Variants in KRT8 observed in about 807,000 individuals in gnomAD.
The protein encoded by KRT8 is keratin 8.
Under a neutral mutation model 43.0 loss-of-function variants are expected in KRT8, and 24 were observed. The ratio of observed to expected loss-of-function variants is 0.56; its 90% CI spans 0.40 to 0.78. The LOEUF (loss-of-function observed/expected upper bound fraction) is 0.78. KRT8 is among the 30% of genes least tolerant of loss of function. The pLI is 0.00. For missense variants in KRT8, 492 were observed against 638.4 expected (o/e 0.77, Z 2.47); for synonymous variants, 214 against 261.2 (o/e 0.82, Z 1.74).
upstream of KRT8, among the ~76,000 whole-genome samples, chr12:52,905,321 T>C (rs187766583): frequency 3.2e-4 from 49 of 152,260 alleles, no homozygotes; most frequent in Non-Finnish European, 6.2e-4. Flanking sequence ...AGAAATCCTG[T>C]CCTGGCACAA....
chr12:52,929,670 ACAAT>A (rs962751369), intron 2 of KRT8, among the ~76,000 whole-genome samples: 1 of 152,044 alleles, frequency 6.6e-6, no homozygotes, highest in Non-Finnish European at 1.5e-5. Flanking sequence ...ACTCTAATGC[ACAAT>A]CAGAGATTGC....
chr12:52,905,736 CACACACACAT>C (rs59185408), upstream of KRT8, among the ~76,000 whole-genome samples: 59,621 of 125,766 alleles, frequency 0.47, 12,309 homozygotes, highest in African/African-American at 0.61. Context: ...CACACACACA[CACACACACAT>C]ACACATACAC....
At chr12:52,901,010 G>GTC in intron 3 of KRT8, 149 bp downstream of exon 3, 2 of 760,584 alleles carry the variant, frequency 2.6e-6, no homozygotes, top group South Asian at 2.8e-5. Flanking sequence ...CTCCATCCTT[G>GTC]TCTACCTTTC....
chr12:52,926,031 T>C (rs530726039), intron 2 of KRT8, among the ~76,000 whole-genome samples: 1 of 152,166 alleles, frequency 6.6e-6, no homozygotes, highest in South Asian at 2.1e-4. Context: ...AGACCTGCCC[T>C]GGAGACAGGC....
chr12:52,906,846 G>A (rs1174565451), upstream of KRT8: 3 of 448,472 alleles, frequency 6.7e-6, no homozygotes, highest in East Asian at 1.4e-4. Flanking sequence ...CCTTCTCTAG[G>A]AGAGACACCC....
At position 52,902,092 on chromosome 12, in the gene KRT8, G is replaced by A. The variant is rs1265897210; in HGVS notation, c.325-20C>T. On this transcript the variant is annotated intron_variant, in intron 1 of 7. Coordinates refer to ENST00000692008, the Ensembl canonical transcript of KRT8. ...CCGTACCTATACGAAGGAGGAGAGA[G>A]CAAAAAGGTCTACATCAGGCCAGGG... 10 of 1,530,200 alleles carry A rather than the reference G, an allele frequency of 6.5e-6. No individual in the cohort carries two copies. The highest frequency in any genetic ancestry group is 8.1e-6 in the Non-Finnish European group (9 of 1,116,024). 94.8% of individuals were successfully genotyped at this position (1,530,200 alleles called of 1,614,324 possible). A position where few individuals can be genotyped will look rare whatever the true frequency, so the allele number is the denominator to read the frequency against.
exon 1 of KRT8, chr12:52,949,749 CCTAAGAG>C: frequency 1.4e-6 from 1 of 739,426 alleles, no homozygotes; most frequent in Non-Finnish European, 2.5e-6. Flanking sequence ...CCACAGGGTC[CCTAAGAG>C]CAGCAGCTAG....
At chr12:52,931,684 C>T (rs150789965) in intron 2 of KRT8, among the ~76,000 whole-genome samples, 1 of 141,250 alleles carries the variant, frequency 7.1e-6, no homozygotes, top group Non-Finnish European at 1.5e-5. Context: ...ATATTTGAGA[C>T]GGAGTTTCGC....
intron 2 of KRT8, among the ~76,000 whole-genome samples, chr12:52,941,478 CTTTTTTTTT>C (rs774607187): frequency 9.6e-5 from 7 of 72,574 alleles, no homozygotes; most frequent in Non-Finnish European, 1.5e-4. Context: ...AGTTTTTGCT[CTTTTTTTTT>C]TTTTTTTTTT....
chr12:52,911,816 G>A (rs1941641561), upstream of KRT8, among the ~76,000 whole-genome samples: 2 of 152,004 alleles, frequency 1.3e-5, no homozygotes, highest in Non-Finnish European at 2.9e-5. Context: ...TTGAGGTCAG[G>A]AGTTCCAGAA....
chr12:52,925,242 T>C (rs913163884), intron 2 of KRT8, among the ~76,000 whole-genome samples: 20 of 151,348 alleles, frequency 1.3e-4, no homozygotes, highest in African/African-American at 4.9e-4. Flanking sequence ...CTGGAGGAGG[T>C]GTGTATGCAC....
chr12:52,945,678 G>T (rs1280921919), intron 2 of KRT8, among the ~76,000 whole-genome samples: 2 of 152,100 alleles, frequency 1.3e-5, no homozygotes, highest in African/African-American at 4.8e-5. Context: ...TGCCTCACAG[G>T]TTCCCACTCC....
At chr12:52,900,630 C>T in exon 4 of KRT8, 2 of 1,613,342 alleles carry the variant, frequency 1.2e-6, no homozygotes, top group South Asian at 2.2e-5. Flanking sequence ...CGTCGGTCAG[C>T]CCTTCCAGGC....
At chr12:52,927,052 C>T (rs1372507081) in intron 2 of KRT8, among the ~76,000 whole-genome samples, 2 of 152,286 alleles carry the variant, frequency 1.3e-5, no homozygotes, top group African/African-American at 4.8e-5. Flanking sequence ...TTCCTATCTT[C>T]TGTCCCTTAC....
chr12:52,931,667 T>C (rs1942086162), intron 2 of KRT8, among the ~76,000 whole-genome samples: 1 of 151,322 alleles, frequency 6.6e-6, no homozygotes, highest in African/African-American at 2.4e-5. Context: ...CATATATATA[T>C]ATATATATAT....
At chr12:52,916,823 C>A (rs1367418393) in intron 2 of KRT8, among the ~76,000 whole-genome samples, 1 of 152,168 alleles carries the variant, frequency 6.6e-6, no homozygotes, top group Non-Finnish European at 1.5e-5. Flanking sequence ...TGGCTTTTGT[C>A]TGACTCTTAG....
intron 2 of KRT8, among the ~76,000 whole-genome samples, chr12:52,931,362 C>T (rs531328452): frequency 5.9e-5 from 9 of 152,008 alleles, no homozygotes; most frequent in African/African-American, 1.9e-4. Flanking sequence ...CCACCATGCC[C>T]GGCCAGTGTC....
intron 2 of KRT8, among the ~76,000 whole-genome samples, chr12:52,934,335 C>A (rs1038518137): frequency 6.6e-6 from 1 of 151,550 alleles, no homozygotes; most frequent in African/African-American, 2.4e-5. Context: ...ATGAGGTGGG[C>A]GGATCACTTG....
intron 2 of KRT8, among the ~76,000 whole-genome samples, chr12:52,920,136 A>C (rs1941853429): frequency 6.6e-6 from 1 of 152,238 alleles, no homozygotes; most frequent in Non-Finnish European, 1.5e-5. Flanking sequence ...AATTATGTCC[A>C]TTAAGAGATG....
Sources: gnomAD v4.1 joint callset for allele counts (sites outside exome capture counted in the v4.1 genomes callset) on GRCh38, gnomAD v4.1.1 for gene constraint, MANE v1.5 for transcripts, NCBI Gene and HGNC (gene_info 2026-07-23, HGNC 2026-07-21) for gene names.